FAM20A: variants seen among roughly 807,000 people sequenced by gnomAD.
FAM20A encodes the protein pseudokinase FAM20A.
In FAM20A, 42 loss-of-function variants were observed where a neutral mutation model predicts 52.0. The ratio of observed to expected loss-of-function variants is 0.81; its 90% CI spans 0.63 to 1.04. FAM20A has a LOEUF of 1.04. Among genes scored for constraint, FAM20A ranks in the 50% least tolerant of loss-of-function variants. The pLI is 0.00. For synonymous variants in FAM20A, 304 were observed against 298.9 expected, an observed-to-expected ratio of 1.02 and a Z score of -0.18; for missense variants, 742 against 712.7, an observed-to-expected ratio of 1.04 and a Z score of -0.47.
rs117460689 is a variant in FAM20A at position 68,589,370 on chromosome 17, C to T, written c.404+10893G>A. Among the ~76,000 whole-genome samples the T allele has an allele frequency of 4.1e-4, 62 of 152,322 alleles. 3 individuals are homozygous for T. In the East Asian group the frequency reaches 0.011, roughly 26 times the overall value. On this transcript the variant is annotated intron_variant, in intron 1 of 10. Transcript: ENST00000592554. ...AGCCAGAAGTGCTGACCTGCAGAAT[C>T]GGGGGCTAAATAAGTGGCTTTTGTT...
At chr17:68,547,835 C>G (rs2086639292) in intron 4 of FAM20A, among the ~76,000 whole-genome samples, 1 of 152,214 alleles carries the variant, frequency 6.6e-6, no homozygotes, top group African/African-American at 2.4e-5. Flanking sequence ...AGAACTTTTC[C>G]TTTGCATTCA....
intron 1 of FAM20A, among the ~76,000 whole-genome samples, chr17:68,572,715 G>A (rs1265742834): frequency 1.3e-5 from 2 of 152,064 alleles, no homozygotes; most frequent in African/African-American, 2.4e-5. Context: ...CTGAAGAATT[G>A]TTTCTGTTTT....
At chr17:68,539,795 T>C (rs1045877587) in intron 9 of FAM20A, 90 bp downstream of exon 9, 2 of 1,248,808 alleles carry the variant, frequency 1.6e-6, no homozygotes, top group African/African-American at 2.9e-5. Context: ...AGGCCCTCAT[T>C]TGCAGGGCGT....
At chr17:68,574,210 G>T (rs142598265) in intron 1 of FAM20A, among the ~76,000 whole-genome samples, 12 of 151,984 alleles carry the variant, frequency 7.9e-5, no homozygotes, top group Admixed American at 4.6e-4. Context: ...GACCACAGGC[G>T]TGTGCCACCA....
chr17:68,600,746 A>C lies in FAM20A; in HGVS notation c.-80T>G. 1.4e-6 allele frequency: 2 copies of C among 1,451,752 alleles called. No homozygotes were observed. Among genetic ancestry groups the C allele is most frequent in the South Asian group, 2.7e-5 (2 of 75,446 alleles). 89.9% of individuals were successfully genotyped at this position (1,451,752 alleles called of 1,614,324 possible). On this transcript the variant is annotated 5_prime_UTR_variant, in exon 1 of 11. Coordinates refer to ENST00000592554, the MANE Select transcript of FAM20A (RefSeq NM_017565.4). The surrounding 1 kb of genome is among the most constrained non-coding windows in gnomAD (Gnocchi z 6.2). Reference sequence around the variant, plus strand: ...GGAGGGGTCGCGGGGTGCGGGCAGAAGAGGTGCCTGGAGTCCCGCGGGTGG... The same window carrying C: ...GGAGGGGTCGCGGGGTGCGGGCAGACGAGGTGCCTGGAGTCCCGCGGGTGG...
intron 10 of FAM20A, among the ~76,000 whole-genome samples, chr17:68,538,054 G>C (rs1278788887): frequency 6.6e-6 from 1 of 152,200 alleles, no homozygotes; most frequent in Non-Finnish European, 1.5e-5. Context: ...GTGATACTTA[G>C]GATTTTTCAA....
chr17:68,540,900 T>C lies in FAM20A; in HGVS notation c.1168A>G (p.Ser390Gly), dbSNP rs775260607. The change falls in exon 8 of 11, where the codon AGC becomes GGC. Residue 390 changes from serine to glycine, a missense_variant. Ser to Gly is a moderately conservative substitution (Grantham distance 56). Coordinates refer to ENST00000592554, the MANE Select transcript of FAM20A (RefSeq NM_017565.4). ...TCGATGACATTGAGGAGCCGCTGGC[T>C]GTTGTTGTACGGGTAGATCTGTTTC... ...TVKQIYPYNN[S>G]QRLLNVIDMA... The C allele has an allele frequency of 8.1e-6, 13 of 1,605,374 alleles. No individual in the cohort carries two copies. In the Admixed American group the frequency reaches 1.3e-4, roughly 17 times the overall value.
intron 8 of FAM20A, among the ~76,000 whole-genome samples, chr17:68,540,393 G>A (rs952459793): frequency 6.6e-6 from 1 of 152,162 alleles, no homozygotes; most frequent in Non-Finnish European, 1.5e-5. Context: ...ACTTGCTTCC[G>A]ACCTAAGCTC....
rs781239497 is a variant in FAM20A at position 68,600,408 on chromosome 17, C to T, written c.259G>A (p.Gly87Arg). 6.2e-7 allele frequency: 1 copy of T among 1,609,790 alleles called. No individual in the cohort carries two copies. The highest frequency in any genetic ancestry group is 8.5e-7 in the Non-Finnish European group (1 of 1,178,720). Residue 87 changes from glycine to arginine, a missense_variant, in exon 1 of 11, where the codon GGG (glycine) becomes AGG (arginine). Gly to Arg is a moderately radical substitution (Grantham distance 125). Coordinates refer to ENST00000592554, the MANE Select transcript of FAM20A (RefSeq NM_017565.4). The surrounding 1 kb of genome is among the most constrained non-coding windows in gnomAD (Gnocchi z 6.2). The stretch of plus-strand genomic sequence containing the variant: ...AGGGCCTGCAACTTGGAGCTCGACC[C>T]GCTGTGGCTGCCGCCAGCCGGTTCA... ...RTEPAGGSHSGSSSKLQALFA... is the reference protein window; with the variant it reads ...RTEPAGGSHSRSSSKLQALFA...
At chr17:68,549,352 G>C (rs2086725239) in intron 4 of FAM20A, among the ~76,000 whole-genome samples, 1 of 152,162 alleles carries the variant, frequency 6.6e-6, no homozygotes. Flanking sequence ...AAGTTAGCCA[G>C]GTGTGGTGGT....
At chr17:68,562,616 C>CA (rs1229863242) in intron 1 of FAM20A, among the ~76,000 whole-genome samples, 1 of 151,864 alleles carries the variant, frequency 6.6e-6, no homozygotes, top group African/African-American at 2.4e-5. Context: ...TTCCATCCCC[C>CA]CCCCTTTTTA....
chr17:68,580,624 C>T (rs984154723), intron 1 of FAM20A, among the ~76,000 whole-genome samples: 1 of 152,186 alleles, frequency 6.6e-6, no homozygotes, highest in African/African-American at 2.4e-5. Context: ...TGAGAAGGGG[C>T]ATATCATGGA....
chr17:68,570,194 G>C (rs1245341657), intron 1 of FAM20A, among the ~76,000 whole-genome samples: 1 of 152,170 alleles, frequency 6.6e-6, no homozygotes, highest in Non-Finnish European at 1.5e-5. Context: ...TCCTGCCTCA[G>C]CCTCCTGAGT....
At chr17:68,546,557 G>A (rs546661195) in intron 4 of FAM20A, among the ~76,000 whole-genome samples, 6 of 152,148 alleles carry the variant, frequency 3.9e-5, no homozygotes, top group East Asian at 1.9e-4. Flanking sequence ...TTGGCTGGGC[G>A]TGGTGGCTCG....
intron 1 of FAM20A, among the ~76,000 whole-genome samples, chr17:68,573,448 CTTTCTTTCTTCTTTCT>C (rs980692390): frequency 5.8e-5 from 7 of 121,564 alleles, no homozygotes; most frequent in African/African-American, 2.1e-4. Flanking sequence ...TTCTTTCTTT[CTTTCTTTCTTCTTTCT>C]TTCTTTCTTT....
chr17:68,573,251 T>C (rs1164667234), intron 1 of FAM20A, among the ~76,000 whole-genome samples: 16 of 152,230 alleles, frequency 1.1e-4, no homozygotes, highest in Non-Finnish European at 1.9e-4. Flanking sequence ...ATCTAACCTC[T>C]CTGCGCCTCA....
Position 68,537,493 on chromosome 17 carries a change from G to T in FAM20A, c.1610C>A (p.Ala537Asp). Reference sequence around the variant, plus strand: ...TGCCAGCCCTTAGCTTGTCAAGTTAGCCTGGCCAGAGTCTGGGGCCAACTG... The same window carrying T: ...TGCCAGCCCTTAGCTTGTCAAGTTATCCTGGCCAGAGTCTGGGGCCAACTG... ...VEQLAPDSGQ[A>D]NLTS is the part of the protein sequence containing the mutation. Residue 537 changes from alanine to aspartate, a missense_variant, in exon 11 of 11, where the codon GCT becomes GAT. Transcript: ENST00000592554. The surrounding 1 kb of genome is among the most constrained non-coding windows in gnomAD (Gnocchi z 4.2). The T allele has an allele frequency of 6.2e-7, 1 of 1,613,988 alleles. No individual in the cohort carries two copies.
At chr17:68,551,277 T>G in intron 4 of FAM20A, 1 of 486,192 alleles carries the variant, frequency 2.1e-6, no homozygotes, top group Non-Finnish European at 3.3e-6. Context: ...GGCATGTAGT[T>G]GCTGTTGTTA....
Position 68,542,814 on chromosome 17 carries a change from A to C in FAM20A, c.813-5T>G. The C allele has an allele frequency of 6.2e-7, 1 of 1,605,564 alleles. No homozygotes were observed. The highest frequency in any genetic ancestry group is 2.2e-5 in the East Asian group (1 of 44,834). On this transcript the variant is annotated splice_polypyrimidine_tract_variant and splice_region_variant and intron_variant, in intron 5 of 10. Coordinates refer to ENST00000592554, the MANE Select transcript of FAM20A (RefSeq NM_017565.4). ...ACCCGTCGGAAGTCCAGAATCCTGC[A>C]AGAGAGGAAGCTCTGTTCCATCTGA... is the stretch of plus-strand genomic sequence containing the variant.
Sources: allele counts gnomAD v4.1 joint callset (sites outside exome capture counted in the v4.1 genomes callset), GRCh38; gene constraint gnomAD v4.1.1; non-coding constraint Gnocchi (gnomAD v3.1); transcripts MANE v1.5; gene names NCBI Gene and HGNC (gene_info 2026-07-23, HGNC 2026-07-21).